CELF2: variants seen among roughly 807,000 people sequenced by gnomAD.
The protein encoded by CELF2 is CUG triplet repeat RNA-binding protein 2.
CELF2 carries 8 observed loss-of-function variants against 62.6 expected under a neutral mutation model. That is an observed-to-expected ratio of 0.13 (90% CI 0.07 to 0.23). The LOEUF (loss-of-function observed/expected upper bound fraction) is 0.23. Among genes scored for constraint, CELF2 ranks in the 10% least tolerant of loss-of-function variants. The pLI is 1.00. For missense variants in CELF2, 333 were observed against 671.0 expected (o/e 0.50, Z 5.56); for synonymous variants, 258 against 250.0 (o/e 1.03, Z -0.30).
intron 1 of CELF2, among the ~76,000 whole-genome samples, chr10:11,121,796 A>G (rs541866770): frequency 6.6e-6 from 1 of 152,226 alleles, no homozygotes; most frequent in South Asian, 2.1e-4. Flanking sequence ...TGTTTCTTGC[A>G]GAAACTGTCT....
the CELF2 span, among the ~76,000 whole-genome samples, chr10:10,537,417 A>T: frequency 6.6e-6 from 1 of 152,230 alleles, no homozygotes; most frequent in African/African-American, 2.4e-5. Flanking sequence ...GAGTATCCTC[A>T]GGCCTGTTTC....
the CELF2 span, among the ~76,000 whole-genome samples, chr10:10,586,889 C>T: frequency 1.2e-4 from 19 of 152,146 alleles, no homozygotes; most frequent in African/African-American, 4.6e-4. Flanking sequence ...GCAGCTAGAA[C>T]ACATAGTGGC....
intron 2 of CELF2, among the ~76,000 whole-genome samples, chr10:10,953,661 G>A (rs1389236030): frequency 6.6e-6 from 1 of 152,076 alleles, no homozygotes; most frequent in Non-Finnish European, 1.5e-5. Context: ...AGGAACCATG[G>A]GAGAATTCTT....
In CELF2 at chr10:11,242,689, A is replaced by T. The variant is rs2074329258; in HGVS notation, c.355-6464A>T. On this transcript the variant is annotated intron_variant, in intron 3 of 12. Transcript: ENST00000633077. This position sits in a 1 kb window ranked among gnomAD's most constrained non-coding sequence, Gnocchi z 4.8. ...GTCACAGCTGGGGCCTTGTGGGAAG[A>T]ATCGAAGGTCAGCTTACTCAGGAGT... is the stretch of plus-strand genomic sequence containing the variant. 6.6e-6 allele frequency among the ~76,000 whole-genome samples: 1 copy of T among 152,172 alleles called. No homozygotes were observed. Among genetic ancestry groups the T allele is most frequent in the Non-Finnish European group, 1.5e-5 (1 of 68,026 alleles).
At chr10:11,115,904 C>A (rs935351808) in intron 1 of CELF2, among the ~76,000 whole-genome samples, 9 of 152,154 alleles carry the variant, frequency 5.9e-5, no homozygotes, top group African/African-American at 2.2e-4. Flanking sequence ...TTTTTCACAT[C>A]TTGTACCACC....
chr10:10,585,148 T>G, the CELF2 span, among the ~76,000 whole-genome samples: 2 of 152,182 alleles, frequency 1.3e-5, no homozygotes, highest in African/African-American at 4.8e-5. Context: ...AGTAAGATGC[T>G]CCTACTAATT....
At chr10:11,303,251 A>G (rs962911893) in intron 9 of CELF2, among the ~76,000 whole-genome samples, 18 of 151,902 alleles carry the variant, frequency 1.2e-4, no homozygotes, top group African/African-American at 1.7e-4. Context: ...TCTAGGCTCA[A>G]TTTTACTCTT....
In CELF2 at chr10:11,319,166, T is replaced by C. The variant is rs1456819975; in HGVS notation, c.1097-2023T>C. On this transcript the variant is annotated intron_variant, in intron 10 of 12. Transcript: ENST00000633077. The surrounding 1 kb of genome is among the most constrained non-coding windows in gnomAD (Gnocchi z 4.4). ...GGGCATCTGCATTTCCAGAGGACTG[T>C]GCCCAGAGTGCGATCATCTGTAATC... 1 of 460,792 alleles carries C rather than the reference T, an allele frequency of 2.2e-6. No individual in the cohort carries two copies. The highest frequency in any genetic ancestry group is 7.0e-5 in the East Asian group (1 of 14,348). 28.5% of individuals were successfully genotyped at this position (460,792 alleles called of 1,614,324 possible).
intron 7 of CELF2, among the ~76,000 whole-genome samples, chr10:11,274,772 C>T (rs532218148): frequency 9.9e-5 from 15 of 152,236 alleles, no homozygotes; most frequent in African/African-American, 1.7e-4. Flanking sequence ...TAATTAGTCA[C>T]GCTATGTTGG....
At chr10:10,635,073 A>T in the CELF2 span, among the ~76,000 whole-genome samples, 1 of 152,010 alleles carries the variant, frequency 6.6e-6, no homozygotes, top group South Asian at 2.1e-4. Context: ...GCTATGCATC[A>T]CCTCTGCTTA....
At chr10:10,564,046 T>C in the CELF2 span, among the ~76,000 whole-genome samples, 1 of 152,232 alleles carries the variant, frequency 6.6e-6, no homozygotes, top group Non-Finnish European at 1.5e-5. Flanking sequence ...AAGTATAACA[T>C]GTTAGGTTAT....
chr10:10,817,467 C>T (rs1383157886), intron 1 of CELF2, among the ~76,000 whole-genome samples: 1 of 152,128 alleles, frequency 6.6e-6, no homozygotes, highest in Non-Finnish European at 1.5e-5. Flanking sequence ...CTTCCCCCAA[C>T]CCCCGCATTA....
At chr10:10,825,864 A>G (rs2132088390) in intron 1 of CELF2, among the ~76,000 whole-genome samples, 1 of 152,322 alleles carries the variant, frequency 6.6e-6, no homozygotes, top group South Asian at 2.1e-4. Context: ...TGATTAAAAG[A>G]TGCTTGTGAA....
At chr10:10,856,598 TTC>T (rs1221976528) in intron 1 of CELF2, among the ~76,000 whole-genome samples, 1 of 152,218 alleles carries the variant, frequency 6.6e-6, no homozygotes, top group Non-Finnish European at 1.5e-5. Flanking sequence ...TACTTTATTA[TTC>T]TGTCTTCGTT....
chr10:11,077,196 T>C (rs1395892198), intron 1 of CELF2, among the ~76,000 whole-genome samples: 3 of 152,308 alleles, frequency 2.0e-5, no homozygotes, highest in East Asian at 3.9e-4. Context: ...AGATTTTCAG[T>C]GTACAGAGGG....
At chr10:11,060,110 G>A (rs1443903104) in intron 1 of CELF2, among the ~76,000 whole-genome samples, 1 of 152,224 alleles carries the variant, frequency 6.6e-6, no homozygotes, top group African/African-American at 2.4e-5. Context: ...GGAGATTACA[G>A]TATTTGAAGA....
chr10:10,475,047 C>T, the CELF2 span, among the ~76,000 whole-genome samples: 1 of 152,012 alleles, frequency 6.6e-6, no homozygotes, highest in African/African-American at 2.4e-5. Flanking sequence ...TTCAGAATGT[C>T]CAAAGGAGTA....
intron 2 of CELF2, among the ~76,000 whole-genome samples, chr10:10,963,122 C>G (rs1348166007): frequency 1.3e-5 from 2 of 152,070 alleles, no homozygotes; most frequent in African/African-American, 4.8e-5. Flanking sequence ...CTCACTGCAG[C>G]CTTCGCCTCC....
intron 1 of CELF2, among the ~76,000 whole-genome samples, chr10:11,035,621 A>T (rs1024377641): frequency 5.3e-5 from 8 of 152,202 alleles, no homozygotes; most frequent in African/African-American, 1.9e-4. Context: ...TTAATCTGAG[A>T]TACTTTTTCA....
Sources: allele counts gnomAD v4.1 joint callset (sites outside exome capture counted in the v4.1 genomes callset), GRCh38; gene constraint gnomAD v4.1.1; non-coding constraint Gnocchi (gnomAD v3.1); transcripts MANE v1.5; gene names NCBI Gene and HGNC (gene_info 2026-07-23, HGNC 2026-07-21).